The following PRKCA variants were observed in gnomAD, a reference collection of about 807,000 sequenced individuals.
PRKCA encodes the protein protein kinase C alpha type.
In PRKCA, 27 loss-of-function variants were observed where a neutral mutation model predicts 87.0. The observed-to-expected ratio is 0.31, with a 90% CI of 0.23 to 0.43. The LOEUF is 0.43. Ranked by LOEUF, PRKCA falls within the 20% of genes least tolerant of loss-of-function variation. PRKCA has a pLI of 1.00. For synonymous variants in PRKCA, 329 were observed against 311.1 expected, an observed-to-expected ratio of 1.06 and a Z score of -0.61; for missense variants, 518 against 852.3, an observed-to-expected ratio of 0.61 and a Z score of 4.88.
chr17:66,458,064 C>G (rs969228527), intron 2 of PRKCA, among the ~76,000 whole-genome samples: 2 of 152,184 alleles, frequency 1.3e-5, no homozygotes, highest in African/African-American at 4.8e-5. Context: ...AGGAGTATGA[C>G]CTTCACAAAG....
chr17:66,799,659 CGGTGGTGGTGGT>C (rs762210806), intron 16 of PRKCA, among the ~76,000 whole-genome samples: 1 of 13,816 alleles, frequency 7.2e-5, no homozygotes, highest in Non-Finnish European at 1.5e-4. Context: ...GTGGTAGTGA[CGGTGGTGGTGGT>C]GGTGGTGGTA....
intron 2 of PRKCA, among the ~76,000 whole-genome samples, chr17:66,336,674 T>TATTAAACATTTGCCTATATAGTAAATC (rs1567777813): frequency 1.3e-5 from 2 of 151,790 alleles, no homozygotes; most frequent in African/African-American, 4.9e-5. Context: ...TATAGTAAAT[T>TATTAAACATTTGCCTATATAGTAAATC]ATTAAACATT....
intron 1 of PRKCA, 38 bp from the exon 2 acceptor site, chr17:66,306,058 A>G: frequency 6.2e-7 from 1 of 1,603,984 alleles, no homozygotes; most frequent in Non-Finnish European, 8.5e-7. Context: ...CCAACAGAAA[A>G]TATGTTAAGA....
intron 3 of PRKCA, among the ~76,000 whole-genome samples, chr17:66,502,685 C>T (rs1197524809): frequency 3.3e-5 from 5 of 152,038 alleles, no homozygotes; most frequent in Non-Finnish European, 7.4e-5. Context: ...AGACGAGTCT[C>T]GCTCTGTTGC....
intron 3 of PRKCA, among the ~76,000 whole-genome samples, chr17:66,543,726 G>A (rs1968059553): frequency 6.6e-6 from 1 of 152,158 alleles, no homozygotes; most frequent in African/African-American, 2.4e-5. Flanking sequence ...TAGACACTTA[G>A]CAATCCCAAG....
chr17:66,718,990 A>T (rs9900205), intron 8 of PRKCA, among the ~76,000 whole-genome samples: 29,305 of 152,090 alleles, frequency 0.19, 2,928 homozygotes, highest in Non-Finnish European at 0.21. Flanking sequence ...CTCTTTGACT[A>T]TTCATGGTGA....
chr17:66,491,542 C>T (rs948173996), intron 2 of PRKCA, among the ~76,000 whole-genome samples: 1 of 152,154 alleles, frequency 6.6e-6, no homozygotes, highest in Non-Finnish European at 1.5e-5. Context: ...TAACAGGTAC[C>T]ACCTTATTAC....
chr17:66,754,056 G>A (rs1974492825), intron 13 of PRKCA, among the ~76,000 whole-genome samples: 1 of 152,056 alleles, frequency 6.6e-6, no homozygotes, highest in Non-Finnish European at 1.5e-5. Flanking sequence ...TTTAGATAAA[G>A]GCTGTGTGAG....
intron 8 of PRKCA, among the ~76,000 whole-genome samples, chr17:66,707,109 T>C (rs920614188): frequency 2.6e-5 from 4 of 152,136 alleles, no homozygotes; most frequent in African/African-American, 9.7e-5. Flanking sequence ...CTCCTCTCCA[T>C]TCATCCACCA....
At chr17:66,377,691 A>AT (rs1268647735) in intron 2 of PRKCA, among the ~76,000 whole-genome samples, 4 of 125,434 alleles carry the variant, frequency 3.2e-5, no homozygotes, top group African/African-American at 1.2e-4. Context: ...ATATATATAA[A>AT]GTCTATGTTT....
chr17:66,390,933 A>G (rs1910325865), intron 2 of PRKCA, among the ~76,000 whole-genome samples: 1 of 151,858 alleles, frequency 6.6e-6, no homozygotes, highest in African/African-American at 2.4e-5. Flanking sequence ...AGCAGAGGAA[A>G]CTCAGCAACC....
At chr17:66,408,823 G>A (rs1466077717) in intron 2 of PRKCA, among the ~76,000 whole-genome samples, 2 of 151,956 alleles carry the variant, frequency 1.3e-5, no homozygotes, top group Non-Finnish European at 2.9e-5. Context: ...GGAGGCCGAG[G>A]TGGGCGGATC....
At chr17:66,547,260 A>T (rs1404344778) in intron 3 of PRKCA, among the ~76,000 whole-genome samples, 7 of 152,168 alleles carry the variant, frequency 4.6e-5, no homozygotes, top group Non-Finnish European at 1.0e-4. Flanking sequence ...CAAAACCAAG[A>T]CAAGTCTTGC....
intron 3 of PRKCA, among the ~76,000 whole-genome samples, chr17:66,615,544 A>G (rs1266821898): frequency 6.6e-6 from 1 of 152,186 alleles, no homozygotes; most frequent in Non-Finnish European, 1.5e-5. Flanking sequence ...AGAACTGTCT[A>G]TCCTTCAAGC....
At chr17:66,702,120 A>G (rs561226669) in intron 8 of PRKCA, among the ~76,000 whole-genome samples, 2 of 152,162 alleles carry the variant, frequency 1.3e-5, no homozygotes, top group East Asian at 3.9e-4. Flanking sequence ...TATCTCATTT[A>G]TGTGTGTGCA....
chr17:66,622,390 C>T (rs748169944), intron 3 of PRKCA, among the ~76,000 whole-genome samples: 17 of 152,202 alleles, frequency 1.1e-4, no homozygotes, highest in Non-Finnish European at 2.4e-4. Flanking sequence ...TTTAGCCCAA[C>T]AGGGCAGATC....
chr17:66,724,946 T>A (rs183624454), intron 8 of PRKCA, among the ~76,000 whole-genome samples: 10 of 152,172 alleles, frequency 6.6e-5, no homozygotes, highest in African/African-American at 2.2e-4. Flanking sequence ...GAAAGAAAAA[T>A]GGTCAGCTCA....
intron 15 of PRKCA, among the ~76,000 whole-genome samples, chr17:66,788,556 G>A (rs923574289): frequency 6.6e-6 from 1 of 152,002 alleles, no homozygotes; most frequent in South Asian, 2.1e-4. Context: ...CAGACAACGT[G>A]TGAGATGTCT....
At chr17:66,698,097 C>T (rs958977509) in intron 8 of PRKCA, among the ~76,000 whole-genome samples, 1 of 152,176 alleles carries the variant, frequency 6.6e-6, no homozygotes, top group African/African-American at 2.4e-5. Flanking sequence ...CTGGTGAAGG[C>T]ATTTCTCTCC....
Sources: allele counts gnomAD v4.1 joint callset (sites outside exome capture counted in the v4.1 genomes callset), GRCh38; gene constraint gnomAD v4.1.1; transcripts MANE v1.5; gene names NCBI Gene and HGNC (gene_info 2026-07-23, HGNC 2026-07-21).